ABL2: variants seen among roughly 807,000 people sequenced by gnomAD.
ABL2 encodes ABL proto-oncogene 2, non-receptor tyrosine kinase, also known as tyrosine-protein kinase ABL2.
ABL2 carries 49 observed loss-of-function variants against 107.7 expected under a neutral mutation model. That is an observed-to-expected ratio of 0.45 (90% CI 0.36 to 0.58). ABL2 has a LOEUF of 0.58. Ranked by LOEUF, ABL2 falls within the 20% of genes least tolerant of loss-of-function variation. ABL2 has a pLI of 0.00. For synonymous variants in ABL2, 549 were observed against 548.6 expected (o/e 1.00, Z -0.01); for missense variants, 1,245 against 1,457.0 (o/e 0.85, Z 2.37).
intron 1 of ABL2, among the ~76,000 whole-genome samples, chr1:179,173,373 T>C (rs1189325445): frequency 1.4e-5 from 2 of 144,878 alleles, no homozygotes; most frequent in Non-Finnish European, 3.0e-5. Flanking sequence ...TTTTTTTTTT[T>C]TTTTTTTTGA....
intron 9 of ABL2, 105 bp from the exon 10 acceptor site, chr1:179,112,503 T>C (rs1572614651): frequency 2.5e-6 from 2 of 789,166 alleles, no homozygotes; most frequent in East Asian, 2.7e-5. Flanking sequence ...CTTATTAAAG[T>C]ACAGTTACAG....
At chr1:179,109,870 G>A (rs1383294766) in intron 11 of ABL2, among the ~76,000 whole-genome samples, 3 of 150,452 alleles carry the variant, frequency 2.0e-5, no homozygotes, top group Admixed American at 6.6e-5. Flanking sequence ...GGAGCTTGCA[G>A]TGAGCCGAGA....
Position 179,110,283 on chromosome 1 carries a change from T to C in ABL2, c.1824A>G (p.Pro608=). 1 of 1,614,226 alleles carries C rather than the reference T, an allele frequency of 6.2e-7. No homozygotes were observed. Among genetic ancestry groups the C allele is most frequent in the Non-Finnish European group, 8.5e-7 (1 of 1,180,038 alleles). The change falls in exon 11 of 12, where the codon CCA becomes CCG. Residue 608 remains proline (P), a splice_region_variant and synonymous_variant. Coordinates refer to ENST00000502732, the MANE Select transcript of ABL2 (RefSeq NM_007314.4). ...ATENSASSLA[P]GFIRGAQASS... Reference sequence around the variant, plus strand: ...TTCTACCTGCTAAGGGACCCATACCTGGTGCTAAACTGGAAGCAGAATTTT... The same window carrying C: ...TTCTACCTGCTAAGGGACCCATACCCGGTGCTAAACTGGAAGCAGAATTTT...
intron 1 of ABL2, among the ~76,000 whole-genome samples, chr1:179,216,153 C>A (rs556724371): frequency 6.6e-6 from 1 of 152,166 alleles, no homozygotes; most frequent in African/African-American, 2.4e-5. Context: ...TATAGAGAAG[C>A]CGGCAGTTCT....
At chr1:179,131,207 G>T in intron 3 of ABL2, 104 bp downstream of exon 3, 1 of 1,302,140 alleles carries the variant, frequency 7.7e-7, no homozygotes, top group Non-Finnish European at 1.0e-6. Flanking sequence ...GCCTCCCAAA[G>T]TGCTGAGATT....
intron 1 of ABL2, among the ~76,000 whole-genome samples, chr1:179,227,385 C>T (rs1663277228): frequency 6.6e-6 from 1 of 152,154 alleles, no homozygotes; most frequent in Admixed American, 6.5e-5. Flanking sequence ...CCTCACTAGC[C>T]CATCAACAAA....
rs190856016 is a variant in ABL2, at chr1:179,203,269, G to A, written c.157+25972C>T. Among the ~76,000 whole-genome samples, 25 of 152,170 alleles carry A rather than the reference G, an allele frequency of 1.6e-4. No individual in the cohort carries two copies. The East Asian group carries it at 4.2e-3, about 26-fold the overall frequency. On this transcript the variant is annotated intron_variant, in intron 1 of 11. Coordinates refer to ENST00000502732, the MANE Select transcript of ABL2 (RefSeq NM_007314.4). ...GTGTTTTAATAAACATTTTATACTTGCACAAAGAATGAAGGTTTTCCTCTC... is the reference window on the plus strand; with the variant it reads ...GTGTTTTAATAAACATTTTATACTTACACAAAGAATGAAGGTTTTCCTCTC...
In ABL2 at chr1:179,229,614, C is replaced by G. The variant is rs996331984; in HGVS notation, c.-217G>C. The G allele has an allele frequency of 5.7e-6, 3 of 527,762 alleles. No homozygotes were observed. The highest frequency in any genetic ancestry group is 9.5e-6 in the Non-Finnish European group (3 of 314,644). The allele number at this position is 527,762 out of a possible 1,614,324, so 32.7% of individuals were successfully genotyped here. A position where few individuals can be genotyped will look rare whatever the true frequency, so the allele number is the denominator to read the frequency against. ...AGATTCTGCTTTTCCCTCCTCCTGT[C>G]GCGGCTCCGCGCCCCCAACGCCGCC... On this transcript the variant is annotated 5_prime_UTR_variant, in exon 1 of 12. Coordinates refer to ENST00000502732, the MANE Select transcript of ABL2 (RefSeq NM_007314.4).
chr1:179,190,210 C>T (rs1660920586), intron 1 of ABL2, among the ~76,000 whole-genome samples: 1 of 152,122 alleles, frequency 6.6e-6, no homozygotes, highest in South Asian at 2.1e-4. Flanking sequence ...CATGACTGTC[C>T]CAGACTTCAG....
At chr1:179,118,523 C>G in intron 7 of ABL2, 64 bp downstream of exon 7, 10 of 1,518,784 alleles carry the variant, frequency 6.6e-6, no homozygotes, top group South Asian at 1.2e-5. Context: ...TTCTCACATT[C>G]TTCCTTTTAT....
intron 1 of ABL2, among the ~76,000 whole-genome samples, chr1:179,140,050 A>G (rs1020547080): frequency 6.6e-6 from 1 of 152,166 alleles, no homozygotes; most frequent in African/African-American, 2.4e-5. Context: ...TATTCTCAAC[A>G]TACCAGCCAT....
At chr1:179,186,821 C>T (rs1660705704) in intron 1 of ABL2, among the ~76,000 whole-genome samples, 1 of 152,068 alleles carries the variant, frequency 6.6e-6, no homozygotes, top group Non-Finnish European at 1.5e-5. Flanking sequence ...ATTGCAACCT[C>T]CACCTCCCAG....
chr1:179,183,451 ACAAGGCTGTTAACCTTCT>A (rs1660496888), intron 1 of ABL2, among the ~76,000 whole-genome samples: 2 of 152,220 alleles, frequency 1.3e-5, no homozygotes, highest in Non-Finnish European at 1.5e-5. Flanking sequence ...GAAGACAATC[ACAAGGCTGTTAACCTTCT>A]CAACAAAAAG....
At chr1:179,135,289 C>T (rs1212694048) in intron 1 of ABL2, among the ~76,000 whole-genome samples, 1 of 146,502 alleles carries the variant, frequency 6.8e-6, no homozygotes, top group Non-Finnish European at 1.5e-5. Context: ...AAGTGAGGAG[C>T]GCCTCTTCCC....
rs529888515 is a variant in ABL2 at position 179,201,434 on chromosome 1, A to G, written c.157+27807T>C. On this transcript the variant is annotated intron_variant, in intron 1 of 11. Coordinates refer to ENST00000502732, the MANE Select transcript of ABL2 (RefSeq NM_007314.4). The stretch of plus-strand genomic sequence containing the variant: ...TATGGGATGATTAAATTATTTGTCT[A>G]TACTTAAGTAGAATATCTATGAGAA... 1.4e-4 allele frequency: 27 copies of G among 187,528 alleles called. No homozygotes were observed. In the South Asian group the frequency reaches 2.3e-3, roughly 16 times the overall value. 11.6% of individuals were successfully genotyped at this position (187,528 alleles called of 1,614,324 possible).
intron 1 of ABL2, among the ~76,000 whole-genome samples, chr1:179,187,491 C>G (rs1300569897): frequency 6.6e-6 from 1 of 152,112 alleles, no homozygotes; most frequent in Non-Finnish European, 1.5e-5. Flanking sequence ...CTGTGCAACA[C>G]AGCCTTTTTT....
At chr1:179,144,316 C>T (rs975346031) in intron 1 of ABL2, among the ~76,000 whole-genome samples, 16 of 151,764 alleles carry the variant, frequency 1.1e-4, no homozygotes, top group African/African-American at 3.6e-4. Flanking sequence ...AAAAATTAGC[C>T]CGGCATGGTG....
At chr1:179,179,065 AAC>A (rs1281870230) in intron 1 of ABL2, among the ~76,000 whole-genome samples, 1 of 152,228 alleles carries the variant, frequency 6.6e-6, no homozygotes, top group Non-Finnish European at 1.5e-5. Context: ...GAAATTAGGA[AAC>A]ACAACTACAT....
rs188289500 is a variant in ABL2, at chr1:179,210,367, G to A, written c.157+18874C>T. 5.3e-3 allele frequency among the ~76,000 whole-genome samples: 806 copies of A among 151,806 alleles called. 7 individuals are homozygous for A. Among genetic ancestry groups the A allele is most frequent in the African/African-American group, 0.018 (753 of 41,362 alleles). On this transcript the variant is annotated intron_variant, in intron 1 of 11. Transcript: ENST00000502732. Reference sequence around the variant, plus strand: ...CCAAAAATACAAAAATTAGCTGGGCGTGGTGGTGCACACCTGTAATCCTAG... The same window carrying A: ...CCAAAAATACAAAAATTAGCTGGGCATGGTGGTGCACACCTGTAATCCTAG...
Sources: gnomAD v4.1 joint callset for allele counts (sites outside exome capture counted in the v4.1 genomes callset) on GRCh38, gnomAD v4.1.1 for gene constraint, MANE v1.5 for transcripts, NCBI Gene and HGNC (gene_info 2026-07-23, HGNC 2026-07-21) for gene names.